The following HNRNPH1 variants were observed in gnomAD, a reference collection of about 807,000 sequenced individuals.
HNRNPH1 encodes the protein heterogeneous nuclear ribonucleoprotein H.
Under a neutral mutation model 58.6 loss-of-function variants are expected in HNRNPH1, and 4 were observed. The observed-to-expected ratio is 0.07, with a 90% CI of 0.03 to 0.16. The LOEUF is 0.16. Ranked by LOEUF, HNRNPH1 falls within the 10% of genes least tolerant of loss-of-function variation. The pLI is 1.00. For missense variants in HNRNPH1, 271 were observed against 564.2 expected (o/e 0.48, Z 5.26); for synonymous variants, 192 against 189.2 (o/e 1.01, Z -0.12).
At chr5:179,626,776 CT>C (rs60754691), upstream of HNRNPH1, among the ~76,000 whole-genome samples, 1,678 of 132,396 alleles carry the variant, frequency 0.013, 9 homozygotes, top group Middle Eastern at 0.019. Flanking sequence ...TGGTATACTT[CT>C]TTTTTTTTTT....
At chr5:179,618,431 C>T (rs950675028) in intron 4 of HNRNPH1, 108 bp from the exon 6 acceptor site, 2 of 703,530 alleles carry the variant, frequency 2.8e-6, no homozygotes, top group Non-Finnish European at 4.5e-6. Flanking sequence ...AGCCATGAAA[C>T]TGACTAATAT....
exon 1 of HNRNPH1, chr5:179,623,264 C>A: frequency 1.8e-6 from 1 of 550,710 alleles, no homozygotes; most frequent in Non-Finnish European, 3.3e-6. Context: ...GAGCAAAAAC[C>A]GGGCGGATGC....
At chr5:179,615,800 A>C (rs1769263173) in intron 11 of HNRNPH1, 1 of 519,250 alleles carries the variant, frequency 1.9e-6, no homozygotes. Flanking sequence ...GAACAACTTT[A>C]TTTAATGTTT....
At chr5:179,628,648 C>A (rs899491679), upstream of HNRNPH1, among the ~76,000 whole-genome samples, 1 of 152,098 alleles carries the variant, frequency 6.6e-6, no homozygotes, top group Non-Finnish European at 1.5e-5. Context: ...TGTTTTAAAA[C>A]CAATGATATC....
chr5:179,617,313 A>AT, intron 8 of HNRNPH1: 2 of 736,084 alleles, frequency 2.7e-6, no homozygotes, highest in Non-Finnish European at 4.4e-6. Context: ...AAGGATATAC[A>AT]CTTCAAGATG....
chr5:179,614,598 C>G (rs1419817070), exon 13 of HNRNPH1: 1 of 328,478 alleles, frequency 3.0e-6, no homozygotes, highest in Non-Finnish European at 5.7e-6. Context: ...CTATAACTAA[C>G]TTGAGAAAAG....
At chr5:179,623,384 G>C (rs1376460368) in exon 1 of HNRNPH1, 2 of 299,684 alleles carry the variant, frequency 6.7e-6, no homozygotes, top group East Asian at 7.0e-5. Flanking sequence ...CCGAGAGCCA[G>C]CGTAGAGGAA....
At chr5:179,629,894 A>T (rs1046201145) in intron 2 of HNRNPH1, among the ~76,000 whole-genome samples, 2 of 145,184 alleles carry the variant, frequency 1.4e-5, no homozygotes, top group Non-Finnish European at 3.1e-5. Flanking sequence ...GCATGGTGGC[A>T]CTTGCCTGTA....
chr5:179,617,154 CAA>C, intron 8 of HNRNPH1, 44 bp from the exon 10 acceptor site: 1 of 1,575,230 alleles, frequency 6.3e-7, no homozygotes, highest in East Asian at 2.2e-5. Flanking sequence ...GTTGGTGAAA[CAA>C]AACAGAATAA....
chr5:179,625,054 G>A (rs1164340715), upstream of HNRNPH1, among the ~76,000 whole-genome samples: 3 of 152,158 alleles, frequency 2.0e-5, no homozygotes, highest in Non-Finnish European at 2.9e-5. Context: ...TAAACCCTGT[G>A]TAAAGGAAAA....
intron 3 of HNRNPH1, among the ~76,000 whole-genome samples, chr5:179,620,337 A>C (rs1478066741): frequency 2.0e-5 from 3 of 151,402 alleles, no homozygotes; most frequent in African/African-American, 7.4e-5. Context: ...ATTTCAAAAC[A>C]CTTATTTCAG....
In HNRNPH1 at chr5:179,619,491, T is replaced by C. The variant is rs186428663; in HGVS notation, c.398-84A>G. On this transcript the variant is annotated intron_variant, in intron 3 of 12. Transcript: ENST00000356731. The stretch of plus-strand genomic sequence containing the variant: ...AAATGATTCTTCTTATAGCTTTAAA[T>C]AAACCAGAATTTTTAACTTTAGGTG... The C allele has an allele frequency of 2.0e-5, 26 of 1,291,802 alleles. No homozygotes were observed. The Admixed American group carries it at 4.1e-4, about 20-fold the overall frequency. 80.0% of individuals were successfully genotyped at this position (1,291,802 alleles called of 1,614,324 possible).
intron 3 of HNRNPH1, among the ~76,000 whole-genome samples, chr5:179,620,226 T>C (rs543198070): frequency 6.6e-6 from 1 of 152,232 alleles, no homozygotes; most frequent in Admixed American, 6.5e-5. Context: ...ATCATAAATA[T>C]TAATACTTAA....
chr5:179,616,081 G>C, intron 11 of HNRNPH1, 45 bp downstream of exon 12: 2 of 1,472,294 alleles, frequency 1.4e-6, no homozygotes, highest in Non-Finnish European at 1.9e-6. Flanking sequence ...TAATGAACAG[G>C]CTTTACCATA....
intron 11 of HNRNPH1, 198 bp from the exon 13 acceptor site, chr5:179,615,793 C>A: frequency 2.0e-6 from 1 of 512,802 alleles, no homozygotes. Context: ...AAAAAGTGAA[C>A]AACTTTATTT....
chr5:179,621,660 T>G, intron 1 of HNRNPH1: 1 of 494,012 alleles, frequency 2.0e-6, no homozygotes, highest in Non-Finnish European at 3.6e-6. Context: ...TCCTTGCTAC[T>G]CATGTCTACA....
chr5:179,614,350 A>G (rs1768404721), exon 13 of HNRNPH1: 1 of 152,450 alleles, frequency 6.6e-6, no homozygotes, highest in East Asian at 1.9e-4. Flanking sequence ...ATTAACTTAA[A>G]AAAAAAAAAA....
chr5:179,620,824 C>G, intron 3 of HNRNPH1, 68 bp downstream of exon 4: 1 of 1,416,442 alleles, frequency 7.1e-7, no homozygotes, highest in Non-Finnish European at 9.9e-7. Flanking sequence ...TCAACTTTAA[C>G]GTCTATTAAA....
At chr5:179,620,777 A>G in intron 3 of HNRNPH1, 115 bp downstream of exon 4, 1 of 842,748 alleles carries the variant, frequency 1.2e-6, no homozygotes, top group African/African-American at 1.7e-5. Context: ...ACATTAATTC[A>G]TTGGCAATTT....
Sources: allele counts gnomAD v4.1 joint callset (sites outside exome capture counted in the v4.1 genomes callset), GRCh38; gene constraint gnomAD v4.1.1; transcripts MANE v1.5; gene names NCBI Gene and HGNC (gene_info 2026-07-23, HGNC 2026-07-21).